SLMAP: variants seen among roughly 807,000 people sequenced by gnomAD.
SLMAP encodes the protein sarcolemmal membrane-associated protein.
A neutral mutation model predicts 128.8 loss-of-function variants in SLMAP; 44 were observed. The ratio of observed to expected loss-of-function variants is 0.34; its 90% CI spans 0.27 to 0.44. The LOEUF is 0.44. Among genes scored for constraint, SLMAP ranks in the 20% least tolerant of loss-of-function variants. The probability of loss-of-function intolerance (pLI) is 1.00; values close to 1 mark genes in which losing one functional copy is unlikely to be tolerated. For missense variants in SLMAP, 787 were observed against 985.3 expected, an observed-to-expected ratio of 0.80 and a Z score of 2.69; for synonymous variants, 327 against 348.8, an observed-to-expected ratio of 0.94 and a Z score of 0.70.
intron 3 of SLMAP, among the ~76,000 whole-genome samples, chr3:57,831,929 A>G (rs2093362455): frequency 6.6e-6 from 1 of 152,206 alleles, no homozygotes; most frequent in Non-Finnish European, 1.5e-5. Context: ...CTACTGTCTT[A>G]AACATTTTAG....
rs1577579641 is a variant in SLMAP, at chr3:57,849,766, A to T, written c.469A>T (p.Thr157Ser). ...CATTTGTTTCTAGGTTGCTGCTAACACTCCAAGTATGTACTCTCAGGAACT... is the reference window on the plus strand; with the variant it reads ...CATTTGTTTCTAGGTTGCTGCTAACTCTCCAAGTATGTACTCTCAGGAACT... ...PSPVDKVAAN[T>S]PSMYSQELFQ... The change falls in exon 6 of 25, where the codon ACT becomes TCT. Residue 157 changes from threonine to serine, a missense_variant. Thr to Ser is a moderately conservative substitution (Grantham distance 58, BLOSUM62 1). This residue lies in a region of SLMAP where 715 missense variants were observed against 843.6 expected (regional missense o/e 0.85). Transcript: ENST00000671191. 1.9e-6 allele frequency: 3 copies of T among 1,570,532 alleles called. No individual in the cohort carries two copies. The highest frequency in any genetic ancestry group is 1.3e-5 in the African/African-American group (1 of 74,182).
At chr3:57,846,200 T>C (rs2094243175) in intron 4 of SLMAP, among the ~76,000 whole-genome samples, 1 of 152,222 alleles carries the variant, frequency 6.6e-6, no homozygotes, top group African/African-American at 2.4e-5. Context: ...AATTTGCCTT[T>C]CAGCTGGTGG....
chr3:57,863,595 A>G (rs1273115525), intron 10 of SLMAP, among the ~76,000 whole-genome samples: 1 of 152,188 alleles, frequency 6.6e-6, no homozygotes, highest in African/African-American at 2.4e-5. Context: ...TACGTGTTCC[A>G]TGGTGAGAGA....
chr3:57,871,611 T>C, intron 13 of SLMAP, 25 bp from the exon 14 acceptor site: 1 of 1,595,046 alleles, frequency 6.3e-7, no homozygotes, highest in African/African-American at 1.3e-5. Flanking sequence ...AACTATATCC[T>C]TAAAGGTGTT....
intron 2 of SLMAP, among the ~76,000 whole-genome samples, chr3:57,761,659 G>T (rs183013229): frequency 4.6e-5 from 7 of 152,266 alleles, no homozygotes; most frequent in African/African-American, 1.7e-4. Context: ...CAGTTTACCT[G>T]GGCGGTCGAC....
At position 57,890,317 on chromosome 3, in the gene SLMAP, TTATG is replaced by T. The variant is rs535283392; in HGVS notation, c.1360+218_1360+221del. The T allele has an allele frequency of 1.2e-3, 529 of 435,138 alleles. 4 individuals are homozygous for T. Among genetic ancestry groups the T allele is most frequent in the African/African-American group, 9.8e-3 (491 of 50,312 alleles). The allele number at this position is 435,138 out of a possible 1,614,324, so 27.0% of individuals were successfully genotyped here. A position where few individuals can be genotyped will look rare whatever the true frequency, so the allele number is the denominator to read the frequency against. The stretch of plus-strand genomic sequence containing the variant: ...TGTGTCTTTTTAAGTGGATGTATAT[TTATG>T]GTTTTTTGAATGTTAGTACTTGATA... On this transcript the variant is annotated intron_variant, in intron 15 of 24. Transcript: ENST00000671191.
intron 14 of SLMAP, among the ~76,000 whole-genome samples, chr3:57,878,158 A>G (rs1253616438): frequency 2.0e-5 from 3 of 152,072 alleles, no homozygotes; most frequent in Non-Finnish European, 1.5e-5. Context: ...CTTAAATTTT[A>G]GGACAAATAG....
At chr3:57,859,131 G>T (rs985154805) in intron 8 of SLMAP, among the ~76,000 whole-genome samples, 1 of 151,914 alleles carries the variant, frequency 6.6e-6, no homozygotes, top group African/African-American at 2.4e-5. Context: ...CAAAACCAGC[G>T]TGGCCAACAT....
chr3:57,771,752 G>C (rs746938132), intron 2 of SLMAP, among the ~76,000 whole-genome samples: 6 of 152,074 alleles, frequency 3.9e-5, no homozygotes, highest in Non-Finnish European at 7.4e-5. Flanking sequence ...TATATCTTTT[G>C]AGTTCCCTAA....
At chr3:57,904,844 T>C (rs932206506) in intron 17 of SLMAP, among the ~76,000 whole-genome samples, 1 of 152,114 alleles carries the variant, frequency 6.6e-6, no homozygotes, top group Non-Finnish European at 1.5e-5. Flanking sequence ...ATTCATAGGG[T>C]AGTCCCACAG....
chr3:57,858,896 C>T (rs184841334), intron 8 of SLMAP, among the ~76,000 whole-genome samples: 5 of 152,190 alleles, frequency 3.3e-5, no homozygotes, highest in African/African-American at 9.6e-5. Flanking sequence ...GAGCCAAGAT[C>T]GTGCCATTGC....
chr3:57,805,200 T>A (rs1400729821), intron 2 of SLMAP, among the ~76,000 whole-genome samples: 1 of 152,214 alleles, frequency 6.6e-6, no homozygotes, highest in East Asian at 1.9e-4. Flanking sequence ...TTTCCTCAAA[T>A]GTGTGTTCCT....
chr3:57,772,465 A>G (rs2081075177), intron 2 of SLMAP, among the ~76,000 whole-genome samples: 1 of 152,188 alleles, frequency 6.6e-6, no homozygotes, highest in Non-Finnish European at 1.5e-5. Context: ...CGTGCCACAG[A>G]AGTGGCGTTG....
At chr3:57,798,149 A>G (rs2153486664) in intron 2 of SLMAP, among the ~76,000 whole-genome samples, 1 of 152,324 alleles carries the variant, frequency 6.6e-6, no homozygotes, top group South Asian at 2.1e-4. Context: ...CTAAGCAGTC[A>G]TTTATTACCA....
intron 15 of SLMAP, among the ~76,000 whole-genome samples, chr3:57,895,910 C>T (rs2096232353): frequency 6.6e-6 from 1 of 150,826 alleles, no homozygotes; most frequent in Admixed American, 6.6e-5. Context: ...TCCCACTGCA[C>T]TCCAGCCTGG....
chr3:57,887,699 G>T (rs1159335514), intron 14 of SLMAP, among the ~76,000 whole-genome samples: 1 of 152,158 alleles, frequency 6.6e-6, no homozygotes, highest in Admixed American at 6.5e-5. Flanking sequence ...GGGATAAGGT[G>T]TAAAAAACTT....
chr3:57,840,687 G>A (rs2153562774), intron 3 of SLMAP, among the ~76,000 whole-genome samples: 1 of 152,250 alleles, frequency 6.6e-6, no homozygotes, highest in South Asian at 2.1e-4. Context: ...GGTGGAGGAA[G>A]AAACAACTAT....
intron 6 of SLMAP, among the ~76,000 whole-genome samples, chr3:57,852,112 G>A (rs1171076389): frequency 1.3e-5 from 2 of 151,386 alleles, no homozygotes; most frequent in Non-Finnish European, 2.9e-5. Flanking sequence ...AGGTTTCACC[G>A]TGTTAGCCAG....
chr3:57,869,335 C>G (rs969664821), intron 13 of SLMAP, among the ~76,000 whole-genome samples: 1 of 151,116 alleles, frequency 6.6e-6, no homozygotes, highest in Non-Finnish European at 1.5e-5. Flanking sequence ...GTCTGCCTTT[C>G]CCAGCCTACT....
Sources: gnomAD v4.1 joint callset for allele counts (sites outside exome capture counted in the v4.1 genomes callset) on GRCh38, gnomAD v4.1.1 for gene constraint, gnomAD v4.1.1 regional missense constraint, MANE v1.5 for transcripts, NCBI Gene and HGNC (gene_info 2026-07-23, HGNC 2026-07-21) for gene names.